The following ATAD1 variants were observed in gnomAD, a reference collection of about 807,000 sequenced individuals.
ATAD1 encodes the protein outer mitochondrial transmembrane helix translocase.
Under a neutral mutation model 42.7 loss-of-function variants are expected in ATAD1, and 18 were observed. The ratio of observed to expected loss-of-function variants is 0.42; its 90% confidence interval spans 0.29 to 0.63. The LOEUF (loss-of-function observed/expected upper bound fraction) is 0.63, where lower values mean the gene tolerates loss of function less well. Ranked by LOEUF, ATAD1 falls within the 20% of genes least tolerant of loss-of-function variation. The pLI, the probability that ATAD1 is intolerant of heterozygous loss-of-function variation, is 0.19. For synonymous variants in ATAD1, 132 were observed against 143.1 expected (o/e 0.92, Z 0.55); for missense variants, 294 against 440.4 (o/e 0.67, Z 2.98).
intron 2 of ATAD1, among the ~76,000 whole-genome samples, chr10:87,807,458 T>C (rs1052263745): frequency 2.6e-5 from 4 of 152,202 alleles, no homozygotes; most frequent in Admixed American, 6.5e-5. Flanking sequence ...CAGCACGTTA[T>C]TGACAGACTT....
chr10:87,826,425 T>C (rs971417383), intron 1 of ATAD1, among the ~76,000 whole-genome samples: 1 of 152,226 alleles, frequency 6.6e-6, no homozygotes, highest in Non-Finnish European at 1.5e-5. Context: ...GCCTTCTGAG[T>C]TCTCAGGTTA....
At chr10:87,813,792 CAT>C (rs1564781749) in intron 2 of ATAD1, among the ~76,000 whole-genome samples, 1 of 151,350 alleles carries the variant, frequency 6.6e-6, no homozygotes, top group African/African-American at 2.4e-5. Context: ...TTCAATAAGA[CAT>C]AAATATTTTA....
At chr10:87,789,654 G>A (rs1391775190) in intron 4 of ATAD1, among the ~76,000 whole-genome samples, 3 of 152,044 alleles carry the variant, frequency 2.0e-5, no homozygotes, top group African/African-American at 2.4e-5. Context: ...CCTGGGAGGC[G>A]GAAGTTGCAG....
chr10:87,769,462 T>C (rs543206608), intron 7 of ATAD1, among the ~76,000 whole-genome samples: 19 of 152,334 alleles, frequency 1.2e-4, no homozygotes, highest in Non-Finnish European at 2.6e-4. Context: ...TTCCATGGAC[T>C]TCCCTGACAG....
At chr10:87,759,863 T>A in intron 8 of ATAD1, 1 of 400,312 alleles carries the variant, frequency 2.5e-6, no homozygotes, top group Non-Finnish European at 5.1e-6. Context: ...ACCAAAATGC[T>A]TGGCACATAG....
chr10:87,810,379 T>C (rs529179785), intron 2 of ATAD1, among the ~76,000 whole-genome samples: 2 of 152,198 alleles, frequency 1.3e-5, no homozygotes, highest in South Asian at 4.1e-4. Flanking sequence ...ACTATACATG[T>C]CCATTTTTTA....
intron 4 of ATAD1, among the ~76,000 whole-genome samples, chr10:87,787,663 T>C (rs551687064): frequency 6.6e-6 from 1 of 152,324 alleles, no homozygotes; most frequent in Non-Finnish European, 1.5e-5. Flanking sequence ...AAATTTGAGA[T>C]AATCCTCATT....
intron 2 of ATAD1, among the ~76,000 whole-genome samples, chr10:87,798,022 T>G (rs1020096465): frequency 6.6e-6 from 1 of 152,070 alleles, no homozygotes; most frequent in Non-Finnish European, 1.5e-5. Context: ...TTAACCTCCC[T>G]CGACGTGCAG....
At chr10:87,798,510 TCTA>T (rs1209634133) in intron 2 of ATAD1, among the ~76,000 whole-genome samples, 1 of 151,998 alleles carries the variant, frequency 6.6e-6, no homozygotes, top group Admixed American at 6.6e-5. Context: ...CTGTTATTTT[TCTA>T]CTAAGATAAA....
Position 87,814,481 on chromosome 10 carries a change from G to A in ATAD1, c.119C>T (p.Ala40Val), listed in dbSNP as rs949572906. Residue 40 changes from alanine to valine, a missense_variant, in exon 2 of 10, where the codon GCA (alanine) becomes GTA (valine). This residue lies in a region of ATAD1 where 121 missense variants were observed against 187.3 expected (regional missense o/e 0.65). Coordinates refer to ENST00000680024, the MANE Select transcript of ATAD1 (RefSeq NM_001321967.2). Reference sequence around the variant, plus strand: ...TTTTTGCTTTCTGGTTGGATCAATTGCATCTACCATCCATTTGATAGTAAA... The same window carrying A: ...TTTTTGCTTTCTGGTTGGATCAATTACATCTACCATCCATTTGATAGTAAA... ...TYFTIKWMVD[A>V]IDPTRKQKVE... The A allele has an allele frequency of 6.2e-6, 10 of 1,604,252 alleles. No individual in the cohort carries two copies. Among genetic ancestry groups the A allele is most frequent in the Admixed American group, 1.7e-5 (1 of 58,634 alleles).
chr10:87,770,092 G>A (rs910967692), intron 7 of ATAD1, among the ~76,000 whole-genome samples: 1 of 152,152 alleles, frequency 6.6e-6, no homozygotes, highest in Admixed American at 6.5e-5. Context: ...GTAAAGAGTT[G>A]ATCAGAGTAA....
intron 4 of ATAD1, among the ~76,000 whole-genome samples, chr10:87,788,731 T>C (rs1855951678): frequency 6.6e-6 from 1 of 152,208 alleles, no homozygotes; most frequent in South Asian, 2.1e-4. Flanking sequence ...CTAAATTCAC[T>C]AGCATTGTCC....
upstream of ATAD1, chr10:87,818,391 G>A (rs560917775): frequency 1.3e-5 from 5 of 374,966 alleles, no homozygotes; most frequent in Middle Eastern, 1.4e-3. Flanking sequence ...CTGCTAGACT[G>A]AGACTTTCTG....
At chr10:87,772,018 G>A (rs536895728) in intron 6 of ATAD1, among the ~76,000 whole-genome samples, 6 of 152,024 alleles carry the variant, frequency 3.9e-5, no homozygotes, top group Non-Finnish European at 5.9e-5. Flanking sequence ...TACACTGAAT[G>A]ACATTCAGGA....
intron 4 of ATAD1, among the ~76,000 whole-genome samples, chr10:87,788,825 C>A (rs1359069656): frequency 2.6e-5 from 4 of 152,316 alleles, no homozygotes; most frequent in Admixed American, 1.3e-4. Context: ...CTTAACTAAT[C>A]CAACTATAGC....
intron 8 of ATAD1, among the ~76,000 whole-genome samples, chr10:87,764,068 T>G (rs1171013590): frequency 2.6e-5 from 4 of 151,936 alleles, no homozygotes; most frequent in African/African-American, 7.2e-5. Context: ...TTAATCCTAG[T>G]GCATAAAGAC....
At chr10:87,790,611 A>C (rs983217877) in intron 3 of ATAD1, among the ~76,000 whole-genome samples, 181 bp from the exon 4 acceptor site, 4 of 152,244 alleles carry the variant, frequency 2.6e-5, no homozygotes, top group Non-Finnish European at 5.9e-5. Flanking sequence ...TGAAACTGGA[A>C]AAAGGAATTT....
chr10:87,803,632 G>A (rs892893606), intron 2 of ATAD1, among the ~76,000 whole-genome samples: 1 of 152,172 alleles, frequency 6.6e-6, no homozygotes, highest in Non-Finnish European at 1.5e-5. Flanking sequence ...GCTGACTGAC[G>A]TCTCATGTAT....
intron 2 of ATAD1, among the ~76,000 whole-genome samples, chr10:87,809,444 G>A (rs1460693290): frequency 1.3e-5 from 2 of 151,724 alleles, no homozygotes; most frequent in African/African-American, 4.8e-5. Context: ...AGAGAGGTTG[G>A]TCTTTCTGTC....
Sources: gnomAD v4.1 joint callset for allele counts (sites outside exome capture counted in the v4.1 genomes callset) on GRCh38, gnomAD v4.1.1 for gene constraint, gnomAD v4.1.1 regional missense constraint, MANE v1.5 for transcripts, NCBI Gene and HGNC (gene_info 2026-07-23, HGNC 2026-07-21) for gene names.